MCMDC2: variants seen among roughly 807,000 people sequenced by gnomAD.
MCMDC2 encodes the protein minichromosome maintenance domain containing 2.
A neutral mutation model predicts 75.8 loss-of-function variants in MCMDC2; 54 were observed. That is an observed-to-expected ratio of 0.71 (90% CI 0.57 to 0.89). The LOEUF (loss-of-function observed/expected upper bound fraction) is 0.89, where lower values mean the gene tolerates loss of function less well. Among genes scored for constraint, MCMDC2 ranks in the 40% least tolerant of loss-of-function variants. MCMDC2 has a pLI of 0.00. For missense variants in MCMDC2, 656 were observed against 780.4 expected, an observed-to-expected ratio of 0.84 and a Z score of 1.90; for synonymous variants, 249 against 274.6, an observed-to-expected ratio of 0.91 and a Z score of 0.92.
In MCMDC2 at chr8:66,880,925, A is replaced by G. The variant is rs1199152707; in HGVS notation, c.786A>G (p.Gln262=). The part of the protein sequence containing the change: ...IGIPTCVKTS[Q]TAVCIEANSI... The stretch of plus-strand genomic sequence containing the variant: ...TTCCAACCTGTGTAAAAACCTCACA[A>G]ACTGCTGTCTGTATAGAAGCAAATA... Residue 262 remains glutamine (Q), a synonymous_variant, in exon 8 of 15, where the codon CAA becomes CAG. Transcript: ENST00000422365. The G allele has an allele frequency of 1.3e-6, 2 of 1,573,298 alleles. No homozygotes were observed. Among genetic ancestry groups the G allele is most frequent in the Non-Finnish European group, 1.7e-6 (2 of 1,160,426 alleles).
Position 66,880,980 on chromosome 8 carries a change from G to A in MCMDC2, c.835+6G>A, listed in dbSNP as rs1158939401. 1 of 1,481,988 alleles carries A rather than the reference G, an allele frequency of 6.7e-7. No individual in the cohort carries two copies. The highest frequency in any genetic ancestry group is 9.0e-7 in the Non-Finnish European group (1 of 1,116,800). 91.8% of individuals were successfully genotyped at this position (1,481,988 alleles called of 1,614,324 possible). On this transcript the variant is annotated splice_donor_region_variant and intron_variant, in intron 8 of 14. Transcript: ENST00000422365. ...AACTTTTTGTAATTCAAAAGGTAAG[G>A]AAAATTTTAGTATTATATATTAACA... is the stretch of plus-strand genomic sequence containing the variant.
At position 66,880,873 on chromosome 8, in the gene MCMDC2, T is replaced by C. The variant is rs746290148; in HGVS notation, c.734T>C (p.Ile245Thr). ...LRDESVNKMN[I>T]GNEYKIIGIP... Reference sequence around the variant, plus strand: ...GATGAATCAGTGAATAAAATGAATATAGGAAATGAATATAAAATTATTGGA... The same window carrying C: ...GATGAATCAGTGAATAAAATGAATACAGGAAATGAATATAAAATTATTGGA... The change falls in exon 8 of 15, where the codon ATA (isoleucine) becomes ACA (threonine). Residue 245 changes from isoleucine (I) to threonine (T), a missense_variant. By Grantham distance (89) the Ile-to-Thr change is moderately conservative. Coordinates refer to ENST00000422365, the MANE Select transcript of MCMDC2 (RefSeq NM_173518.5). 2 of 1,557,944 alleles carry C rather than the reference T, an allele frequency of 1.3e-6. No homozygotes were observed. Among genetic ancestry groups the C allele is most frequent in the East Asian group, 2.3e-5 (1 of 42,618 alleles).
intron 9 of MCMDC2, among the ~76,000 whole-genome samples, chr8:66,889,780 C>G (rs1329564045): frequency 6.6e-6 from 1 of 152,052 alleles, no homozygotes; most frequent in East Asian, 1.9e-4. Context: ...TAGTGACAGG[C>G]AGAGGTTGCG....
chr8:66,897,271 G>A (rs2130837700), intron 12 of MCMDC2, among the ~76,000 whole-genome samples: 1 of 152,080 alleles, frequency 6.6e-6, no homozygotes, highest in East Asian at 1.9e-4. Flanking sequence ...AGCTGGGCGT[G>A]GTGGTGGCAC....
chr8:66,905,150 C>A (rs559979574), intron 13 of MCMDC2, 76 bp from the exon 14 acceptor site: 2 of 1,169,034 alleles, frequency 1.7e-6, no homozygotes, highest in African/African-American at 1.6e-5. Context: ...ATATATATCT[C>A]GATTTGTTCC....
At chr8:66,901,547 A>C in intron 13 of MCMDC2, 199 bp downstream of exon 13, 2 of 1,262,996 alleles carry the variant, frequency 1.6e-6, no homozygotes, top group South Asian at 2.8e-5. Context: ...ATCTCTAATA[A>C]TTTTTTTACT....
intron 14 of MCMDC2, among the ~76,000 whole-genome samples, chr8:66,906,296 A>T (rs1293442999): frequency 6.6e-6 from 1 of 152,154 alleles, no homozygotes; most frequent in Non-Finnish European, 1.5e-5. Flanking sequence ...ATGTATTAAC[A>T]CTAGCTTTCC....
chr8:66,923,253 G>A (rs1423648525), downstream of MCMDC2, among the ~76,000 whole-genome samples: 3 of 152,048 alleles, frequency 2.0e-5, no homozygotes, highest in African/African-American at 7.2e-5. Flanking sequence ...ACCTATATTG[G>A]CATTTTTACT....
downstream of MCMDC2, among the ~76,000 whole-genome samples, chr8:66,924,292 A>C (rs1033454701): frequency 6.6e-6 from 1 of 152,048 alleles, no homozygotes; most frequent in Non-Finnish European, 1.5e-5. Context: ...ATTTGAAGAA[A>C]AAAAAAAACC....
chr8:66,878,949 A>T, intron 7 of MCMDC2, 30 bp downstream of exon 7: 1 of 1,359,412 alleles, frequency 7.4e-7, no homozygotes, highest in Non-Finnish European at 1.0e-6. Context: ...ACTAAAAAAA[A>T]ATTGCTATAA....
In MCMDC2 at chr8:66,877,502, G is replaced by A; in HGVS notation, c.439G>A (p.Ala147Thr). The change falls in exon 5 of 15, where the codon GCA becomes ACA. Residue 147 changes from alanine to threonine, a missense_variant. Coordinates refer to ENST00000422365, the MANE Select transcript of MCMDC2 (RefSeq NM_173518.5). ...AACTATAACCAAGTATACACAAGGG[G>A]CAAGATTTCTTTGTTCAGATGAAGC... ...MTTITKYTQG[A>T]RFLCSDEACP... 1.2e-6 allele frequency: 2 copies of A among 1,606,870 alleles called. No individual in the cohort carries two copies. Among genetic ancestry groups the A allele is most frequent in the Non-Finnish European group, 1.7e-6 (2 of 1,178,148 alleles).
chr8:66,922,501 GACA>G, downstream of MCMDC2: 1 of 518,722 alleles, frequency 1.9e-6, no homozygotes, highest in Non-Finnish European at 3.8e-6. Flanking sequence ...TTTCTTCAAA[GACA>G]ACCTCAGCTG....
chr8:66,896,882 A>G lies in MCMDC2; in HGVS notation c.1549A>G (p.Thr517Ala), dbSNP rs753660789. The change falls in exon 12 of 15, where the codon ACT (threonine) becomes GCT (alanine). Residue 517 changes from threonine (T) to alanine (A), a missense_variant. Transcript: ENST00000422365. ...CCCATTTCTTCCTACTGTGCAACAC[A>G]CTTTGAACAAAGCCATTAATCCTGA... ...CHPFLPTVQH[T>A]LNKAINPEGL... The G allele has an allele frequency of 1.8e-5, 29 of 1,613,556 alleles. No homozygotes were observed. The South Asian group carries it at 3.2e-4, about 18-fold the overall frequency.
At chr8:66,899,657 G>A (rs7828954) in intron 12 of MCMDC2, among the ~76,000 whole-genome samples, 5 of 151,434 alleles carry the variant, frequency 3.3e-5, no homozygotes, top group African/African-American at 9.7e-5. Context: ...CACCACACCC[G>A]GCTAATTTTT....
Position 66,919,119 on chromosome 8 carries a change from T to C in MCMDC2, c.1996T>C (p.Phe666Leu). ...LTQCQQQLEQ[F>L]IATYGPGTTI... is the part of the protein sequence containing the mutation. ...TCAGTGCCAACAACAGCTGGAACAA[T>C]TTATTGCCACATATGGACCTGGGAC... The change falls in exon 15 of 15, where the codon TTT becomes CTT. Residue 666 changes from phenylalanine (F) to leucine (L), a missense_variant. Transcript: ENST00000422365. 6.4e-7 allele frequency: 1 copy of C among 1,550,528 alleles called. No homozygotes were observed.
At chr8:66,898,243 T>C (rs1257190589) in intron 12 of MCMDC2, among the ~76,000 whole-genome samples, 2 of 152,188 alleles carry the variant, frequency 1.3e-5, no homozygotes, top group African/African-American at 4.8e-5. Flanking sequence ...ATTTACTGAA[T>C]ACTTCACAAA....
intron 9 of MCMDC2, 151 bp downstream of exon 9, chr8:66,884,145 T>C: frequency 1.7e-6 from 1 of 599,948 alleles, no homozygotes; most frequent in Non-Finnish European, 2.9e-6. Context: ...ATTCAAAACC[T>C]TTGAAAGATA....
chr8:66,922,840 AACC>A, downstream of MCMDC2: 1 of 207,908 alleles, frequency 4.8e-6, no homozygotes, highest in Non-Finnish European at 1.0e-5. Flanking sequence ...CTGTACTTGC[AACC>A]TACCTTTCAG....
intron 13 of MCMDC2, among the ~76,000 whole-genome samples, chr8:66,902,706 AAAAAAATAT>A (rs1486259045): frequency 8.4e-5 from 11 of 131,440 alleles, no homozygotes; most frequent in Admixed American, 2.3e-4. Flanking sequence ...AAAAAAAAAA[AAAAAAATAT>A]ATATATATAT....
Sources: gnomAD v4.1 joint callset for allele counts (sites outside exome capture counted in the v4.1 genomes callset) on GRCh38, gnomAD v4.1.1 for gene constraint, MANE v1.5 for transcripts, NCBI Gene and HGNC (gene_info 2026-07-23, HGNC 2026-07-21) for gene names.